NTRK2: variants seen among roughly 807,000 people sequenced by gnomAD.
The protein encoded by NTRK2 is neurotrophic receptor tyrosine kinase 2.
A neutral mutation model predicts 94.5 loss-of-function variants in NTRK2; 13 were observed. The observed-to-expected ratio is 0.14, with a 90% CI of 0.09 to 0.22. The LOEUF (loss-of-function observed/expected upper bound fraction) is 0.22, where lower values mean the gene tolerates loss of function less well. Among genes scored for constraint, NTRK2 ranks in the 10% least tolerant of loss-of-function variants. The probability of loss-of-function intolerance (pLI) is 1.00; values close to 1 mark genes in which losing one functional copy is unlikely to be tolerated. For synonymous variants in NTRK2, 372 were observed against 407.4 expected (o/e 0.91, Z 1.05); for missense variants, 639 against 1,071.2 (o/e 0.60, Z 5.63).
At chr9:84,691,232 G>C (rs192734764) in intron 2 of NTRK2, among the ~76,000 whole-genome samples, 21 of 152,288 alleles carry the variant, frequency 1.4e-4, no homozygotes, top group African/African-American at 4.8e-4. Flanking sequence ...GTGATGTAAC[G>C]CACAGTTTTT....
chr9:85,021,542 C>A lies in NTRK2; in HGVS notation c.*105C>A. ...GAGGCCACCAAGCTGCTCTCCTTCA[C>A]TCTGACAGTATTAACATCAAAGACT... is the stretch of plus-strand genomic sequence containing the variant. On this transcript the variant is annotated 3_prime_UTR_variant, in exon 19 of 19. Coordinates refer to ENST00000277120, the MANE Select transcript of NTRK2 (RefSeq NM_006180.6). 9.0e-7 allele frequency: 1 copy of A among 1,108,646 alleles called. No homozygotes were observed. The highest frequency in any genetic ancestry group is 1.4e-6 in the Non-Finnish European group (1 of 724,366). The allele number at this position is 1,108,646 out of a possible 1,614,324, so 68.7% of individuals were successfully genotyped here.
intron 14 of NTRK2, among the ~76,000 whole-genome samples, chr9:84,911,549 A>T (rs56336992): frequency 0.059 from 9,011 of 152,170 alleles, 887 homozygotes; most frequent in African/African-American, 0.2. Flanking sequence ...TGTCAAATTT[A>T]TGTGTAACGT....
chr9:84,785,776 C>T (rs1486871253), intron 12 of NTRK2, among the ~76,000 whole-genome samples: 1 of 152,180 alleles, frequency 6.6e-6, no homozygotes, highest in Non-Finnish European at 1.5e-5. Context: ...ACTCACACTA[C>T]ATTTGAAAAC....
At chr9:84,704,728 CAG>C (rs1275523572) in intron 4 of NTRK2, among the ~76,000 whole-genome samples, 1 of 152,126 alleles carries the variant, frequency 6.6e-6, no homozygotes, top group Non-Finnish European at 1.5e-5. Flanking sequence ...AATAGTAAGA[CAG>C]AGAGAAATAG....
chr9:84,779,075 G>C lies in NTRK2; in HGVS notation c.1396+26990G>C, dbSNP rs1030120362. On this transcript the variant is annotated intron_variant, in intron 12 of 18. Transcript: ENST00000277120. ...TCCCTTGGGTAATATTGATTAGAAG[G>C]CTTCAATTACTTATTTATCAGATTT... is the stretch of plus-strand genomic sequence containing the variant. Among the ~76,000 whole-genome samples, 30 of 152,126 alleles carry C rather than the reference G, an allele frequency of 2.0e-4. 1 individual carries two copies. Among genetic ancestry groups the C allele is most frequent in the Admixed American group, 1.9e-3 (29 of 15,266 alleles).
intron 8 of NTRK2, among the ~76,000 whole-genome samples, chr9:84,726,530 C>T (rs572094610): frequency 4.3e-4 from 66 of 152,200 alleles, no homozygotes; most frequent in African/African-American, 1.5e-3. Flanking sequence ...CCAAGATAAC[C>T]AGTGCAGAGA....
chr9:84,996,628 A>G (rs1437671971), intron 17 of NTRK2, among the ~76,000 whole-genome samples: 1 of 152,242 alleles, frequency 6.6e-6, no homozygotes, highest in Non-Finnish European at 1.5e-5. Context: ...TTGCTGGGGT[A>G]GCGAGCCCTG....
intron 2 of NTRK2, among the ~76,000 whole-genome samples, chr9:84,697,057 G>A (rs374941105): frequency 6.6e-6 from 1 of 152,236 alleles, no homozygotes; most frequent in African/African-American, 2.4e-5. Context: ...AAAGGTTGAG[G>A]GCCAGGGACC....
At position 84,920,208 on chromosome 9, in the gene NTRK2, A is replaced by AT. The variant is rs963798405; in HGVS notation, c.1634-13946dup. On this transcript the variant is annotated intron_variant, in intron 14 of 18. Transcript: ENST00000277120. ...ATTCACATTCATAAGGTGGAGGGAC[A>AT]TTTTTTTTCTCTTTACAAATACTGT... Among the ~76,000 whole-genome samples, 8 of 151,828 alleles carry AT rather than the reference A, an allele frequency of 5.3e-5. 1 individual carries two copies. Among genetic ancestry groups the AT allele is most frequent in the Admixed American group, 5.3e-4 (8 of 15,236 alleles).
At chr9:84,715,511 G>A (rs976808711) in intron 6 of NTRK2, among the ~76,000 whole-genome samples, 5 of 152,192 alleles carry the variant, frequency 3.3e-5, no homozygotes, top group Middle Eastern at 3.2e-3. Flanking sequence ...TGTAAAACAA[G>A]TGGTGGTTCA....
intron 12 of NTRK2, among the ~76,000 whole-genome samples, chr9:84,795,921 T>C (rs1325045502): frequency 6.6e-6 from 1 of 152,136 alleles, no homozygotes; most frequent in Non-Finnish European, 1.5e-5. Flanking sequence ...AGGTGCTATA[T>C]AGATGTCACA....
chr9:84,840,265 CTTTTTTTTTTTTT>C (rs1158579395), intron 12 of NTRK2, among the ~76,000 whole-genome samples: 1 of 101,858 alleles, frequency 9.8e-6, no homozygotes, highest in Non-Finnish European at 2.0e-5. Flanking sequence ...ATTGACAATT[CTTTTTTTTTTTTT>C]TTTTTTTTTT....
chr9:84,786,384 T>C (rs972427594), intron 12 of NTRK2, among the ~76,000 whole-genome samples: 5 of 152,136 alleles, frequency 3.3e-5, no homozygotes, highest in South Asian at 2.1e-4. Flanking sequence ...CACCTGTGTG[T>C]AGGGGGTGAG....
chr9:84,790,131 T>G (rs2068578672), intron 12 of NTRK2, among the ~76,000 whole-genome samples: 1 of 152,202 alleles, frequency 6.6e-6, no homozygotes, highest in East Asian at 1.9e-4. Flanking sequence ...AAGTGGTCTA[T>G]ATGCCAGTAC....
At chr9:84,755,058 C>G (rs2064963335) in intron 12 of NTRK2, among the ~76,000 whole-genome samples, 1 of 152,236 alleles carries the variant, frequency 6.6e-6, no homozygotes. Flanking sequence ...AGATCCACCC[C>G]TTACTCCTGC....
intron 12 of NTRK2, among the ~76,000 whole-genome samples, chr9:84,835,666 C>A (rs2073830319): frequency 6.6e-6 from 1 of 152,188 alleles, no homozygotes; most frequent in Admixed American, 6.6e-5. Flanking sequence ...AGTTGTCTCT[C>A]AAAATCATTG....
At chr9:84,775,183 G>A (rs1424628038) in intron 12 of NTRK2, among the ~76,000 whole-genome samples, 1 of 152,218 alleles carries the variant, frequency 6.6e-6, no homozygotes, top group African/African-American at 2.4e-5. Flanking sequence ...CAAGATGTGG[G>A]AGCTGAGAGG....
intron 14 of NTRK2, among the ~76,000 whole-genome samples, chr9:84,930,940 T>A (rs2078002948): frequency 6.6e-6 from 1 of 152,190 alleles, no homozygotes; most frequent in Admixed American, 6.5e-5. Flanking sequence ...TTAGAAGAGT[T>A]GACCTCAATT....
chr9:84,805,852 A>G (rs373372013), intron 12 of NTRK2, among the ~76,000 whole-genome samples: 1 of 152,254 alleles, frequency 6.6e-6, no homozygotes, highest in East Asian at 1.9e-4. Context: ...TAGCACACTC[A>G]GCCTCCTGGG....
Sources: gnomAD v4.1 joint callset for allele counts (sites outside exome capture counted in the v4.1 genomes callset) on GRCh38, gnomAD v4.1.1 for gene constraint, MANE v1.5 for transcripts, NCBI Gene and HGNC (gene_info 2026-07-23, HGNC 2026-07-21) for gene names.